NRG2: variants seen among roughly 807,000 people sequenced by gnomAD.
NRG2 encodes the protein neuregulin 2, also known as pro-neuregulin-2, membrane-bound isoform.
A neutral mutation model predicts 73.9 loss-of-function variants in NRG2; 27 were observed. The ratio of observed to expected loss-of-function variants is 0.37; its 90% CI spans 0.27 to 0.50. The LOEUF (loss-of-function observed/expected upper bound fraction) is 0.50. NRG2 is among the 20% of genes least tolerant of loss of function. The pLI, the probability that NRG2 is intolerant of heterozygous loss-of-function variation, is 0.96. For synonymous variants in NRG2, 532 were observed against 541.0 expected, an observed-to-expected ratio of 0.98 and a Z score of 0.23; for missense variants, 1,126 against 1,210.1, an observed-to-expected ratio of 0.93 and a Z score of 1.03.
chr5:139,951,440 C>T (rs1293329832), intron 1 of NRG2, among the ~76,000 whole-genome samples: 1 of 152,190 alleles, frequency 6.6e-6, no homozygotes, highest in African/African-American at 2.4e-5. Context: ...CCTGCTCACC[C>T]CCTGCTGCCT....
intron 1 of NRG2, among the ~76,000 whole-genome samples, chr5:139,977,815 A>T (rs1220097076): frequency 6.6e-6 from 1 of 152,208 alleles, no homozygotes; most frequent in Non-Finnish European, 1.5e-5. Context: ...CTGATCTTTG[A>T]CAAACCTGAC....
intron 1 of NRG2, among the ~76,000 whole-genome samples, chr5:139,968,884 G>A (rs1198926306): frequency 6.6e-6 from 1 of 152,248 alleles, no homozygotes; most frequent in Non-Finnish European, 1.5e-5. Context: ...CAGGAGGAGA[G>A]GGCACTCCGA....
chr5:140,015,427 A>T (rs1759690397), intron 1 of NRG2, among the ~76,000 whole-genome samples: 1 of 152,194 alleles, frequency 6.6e-6, no homozygotes, highest in Non-Finnish European at 1.5e-5. Context: ...TAAATGGTCT[A>T]TTTATCACTA....
At chr5:140,027,760 A>G (rs976699515) in intron 1 of NRG2, among the ~76,000 whole-genome samples, 3 of 152,216 alleles carry the variant, frequency 2.0e-5, no homozygotes, top group Non-Finnish European at 2.9e-5. Context: ...GGTGGAACAT[A>G]TCCCGCATGG....
chr5:139,919,925 T>C (rs1751537267), intron 1 of NRG2, among the ~76,000 whole-genome samples: 1 of 152,052 alleles, frequency 6.6e-6, no homozygotes, highest in Admixed American at 6.6e-5. Flanking sequence ...GCAGTAAGAG[T>C]TGTCCTGTTT....
At position 139,848,538 on chromosome 5, in the gene NRG2, C is replaced by G. The variant is rs201080332; in HGVS notation, c.1932G>C (p.Gln644His). 2 of 1,481,068 alleles carry G rather than the reference C, an allele frequency of 1.4e-6. No homozygotes were observed. Among genetic ancestry groups the G allele is most frequent in the Non-Finnish European group, 1.8e-6 (2 of 1,126,736 alleles). The allele number at this position is 1,481,068 out of a possible 1,614,324, so 91.7% of individuals were successfully genotyped here. The part of the protein sequence containing the change: ...AAPISYRLAE[Q>H]QPLLRHPAPP... ...GCGCCGGGTGCCGCAGTAACGGCTG[C>G]TGCTCGGCCAGGCGGTAACTGATGG... The change falls in exon 10 of 10, where the codon CAG becomes CAC. Residue 644 changes from glutamine to histidine, a missense_variant. By Grantham distance (24) the Gln-to-His change is conservative (BLOSUM62 0). Transcript: ENST00000361474.
intron 3 of NRG2, 31 bp from the exon 4 acceptor site, chr5:139,871,872 G>A (rs561371360): frequency 1.4e-5 from 22 of 1,609,404 alleles, no homozygotes; most frequent in South Asian, 4.4e-5. Context: ...TGCCAGTGAC[G>A]CACTGAGACT....
chr5:139,945,816 G>T (rs1193045962), intron 1 of NRG2, among the ~76,000 whole-genome samples: 1 of 151,930 alleles, frequency 6.6e-6, no homozygotes, highest in Non-Finnish European at 1.5e-5. Context: ...TTATACACTT[G>T]CAATGAACAA....
chr5:139,994,654 CT>C (rs1285430772), intron 1 of NRG2, among the ~76,000 whole-genome samples: 3 of 152,098 alleles, frequency 2.0e-5, no homozygotes, highest in East Asian at 3.8e-4. Context: ...TTCACTATCA[CT>C]TTTTTTAATG....
intron 1 of NRG2, among the ~76,000 whole-genome samples, chr5:139,930,113 C>T (rs1277503514): frequency 6.6e-6 from 1 of 152,172 alleles, no homozygotes; most frequent in East Asian, 1.9e-4. Context: ...TTCCATGGCA[C>T]CCTTGCTTTT....
Position 139,880,856 on chromosome 5 carries a change from C to T in NRG2, c.991G>A (p.Val331Met), listed in dbSNP as rs1368171646. Residue 331 changes from valine to methionine, a missense_variant and splice_region_variant, in exon 3 of 10, where the codon GTG becomes ATG. Coordinates refer to ENST00000361474, the MANE Select transcript of NRG2 (RefSeq NM_004883.3). ...TVRGRLYVNS[V>M]STTLSSWSGH... is the part of the protein sequence containing the mutation. ...CTTCCCTCTGTCTGGGCCCACCTAC[C>T]GCTGTTGACGTAAAGCCGGCCCCGG... 6.2e-7 allele frequency: 1 copy of T among 1,613,426 alleles called. No individual in the cohort carries two copies. The highest frequency in any genetic ancestry group is 8.5e-7 in the Non-Finnish European group (1 of 1,179,410).
intron 1 of NRG2, among the ~76,000 whole-genome samples, chr5:139,984,066 C>T (rs1208315275): frequency 2.0e-5 from 3 of 152,160 alleles, no homozygotes; most frequent in African/African-American, 4.8e-5. Flanking sequence ...CCATCAGTCT[C>T]ATCAATGCCT....
intron 1 of NRG2, among the ~76,000 whole-genome samples, chr5:140,029,491 G>A (rs975412166): frequency 2.0e-5 from 3 of 151,958 alleles, no homozygotes; most frequent in Non-Finnish European, 4.4e-5. Context: ...AATATAGTTG[G>A]GAAACCTGAG....
chr5:139,902,594 A>G (rs1171890536), intron 1 of NRG2, among the ~76,000 whole-genome samples: 2 of 152,300 alleles, frequency 1.3e-5, no homozygotes, highest in East Asian at 3.9e-4. Flanking sequence ...GATTCCCACC[A>G]GCTGAAGCCC....
chr5:139,957,388 C>T (rs1333338192), intron 1 of NRG2, among the ~76,000 whole-genome samples: 2 of 150,670 alleles, frequency 1.3e-5, no homozygotes, highest in Admixed American at 1.3e-4. Context: ...AACAAGAGGC[C>T]AAGTCAGATC....
intron 1 of NRG2, among the ~76,000 whole-genome samples, chr5:139,922,727 A>C (rs1258484577): frequency 3.3e-5 from 5 of 152,234 alleles, no homozygotes; most frequent in Non-Finnish European, 7.3e-5. Flanking sequence ...TGAATGAATA[A>C]ATAAACTGTG....
intron 1 of NRG2, among the ~76,000 whole-genome samples, chr5:139,993,044 T>A (rs1757755480): frequency 6.6e-6 from 1 of 152,130 alleles, no homozygotes; most frequent in Non-Finnish European, 1.5e-5. Context: ...GTGTGGTGTT[T>A]TCCTCTGTTG....
chr5:139,904,521 G>A lies in NRG2; in HGVS notation c.701-17010C>T, dbSNP rs966140994. ...TTATAGGCGGTCACACCCTCCGGGG[G>A]AGGGGAGCAGCGAGCCTTAACTCTT... On this transcript the variant is annotated intron_variant, in intron 1 of 9. Coordinates refer to ENST00000361474, the MANE Select transcript of NRG2 (RefSeq NM_004883.3). This position sits in a 1 kb window ranked among gnomAD's most constrained non-coding sequence, Gnocchi z 6.0. The A allele has an allele frequency of 1.3e-5, 7 of 526,838 alleles. No individual in the cohort carries two copies. The highest frequency in any genetic ancestry group is 2.0e-5 in the African/African-American group (1 of 49,540). 32.6% of individuals were successfully genotyped at this position (526,838 alleles called of 1,614,324 possible).
intron 1 of NRG2, among the ~76,000 whole-genome samples, chr5:140,027,165 G>C (rs780454245): frequency 3.9e-5 from 6 of 151,962 alleles, no homozygotes; most frequent in Admixed American, 1.3e-4. Context: ...AAAAAAAATT[G>C]TAGAGATGAG....
Sources: allele counts gnomAD v4.1 joint callset (sites outside exome capture counted in the v4.1 genomes callset), GRCh38; gene constraint gnomAD v4.1.1; non-coding constraint Gnocchi (gnomAD v3.1); transcripts MANE v1.5; gene names NCBI Gene and HGNC (gene_info 2026-07-23, HGNC 2026-07-21).